GREB1L: variants seen among roughly 807,000 people sequenced by gnomAD.
The protein encoded by GREB1L is GREB1-like protein.
GREB1L carries 17 observed loss-of-function variants against 200.8 expected under a neutral mutation model. The ratio of observed to expected loss-of-function variants is 0.08; its 90% CI spans 0.06 to 0.13. The LOEUF (loss-of-function observed/expected upper bound fraction) is 0.13. Ranked by LOEUF, GREB1L falls within the 10% of genes least tolerant of loss-of-function variation. GREB1L has a pLI of 1.00. For synonymous variants in GREB1L, 789 were observed against 893.0 expected, an observed-to-expected ratio of 0.88 and a Z score of 2.08; for missense variants, 1,657 against 2,367.7, an observed-to-expected ratio of 0.70 and a Z score of 6.23.
intron 32 of GREB1L, among the ~76,000 whole-genome samples, chr18:21,521,070 A>G (rs2037585827): frequency 6.6e-6 from 1 of 152,070 alleles, no homozygotes; most frequent in Non-Finnish European, 1.5e-5. Context: ...GGTGGTGTGC[A>G]CCTGTAGTCC....
intron 1 of GREB1L, among the ~76,000 whole-genome samples, chr18:21,277,873 C>T (rs146138839): frequency 1.3e-3 from 198 of 152,104 alleles, no homozygotes; most frequent in African/African-American, 4.3e-3. Flanking sequence ...CTTCAGTGTC[C>T]GGTACATTGA....
At chr18:21,488,687 C>T (rs1158194465) in intron 18 of GREB1L, among the ~76,000 whole-genome samples, 1 of 152,174 alleles carries the variant, frequency 6.6e-6, no homozygotes, top group African/African-American at 2.4e-5. Context: ...GACAGACTCT[C>T]ACTCCGTCGC....
At chr18:21,390,568 C>T (rs2040756150) in intron 4 of GREB1L, among the ~76,000 whole-genome samples, 3 of 152,108 alleles carry the variant, frequency 2.0e-5, no homozygotes, top group African/African-American at 7.2e-5. Context: ...GATGGAGTCT[C>T]GCGCTGTCAC....
chr18:21,314,112 G>A (rs768430441), intron 1 of GREB1L, among the ~76,000 whole-genome samples: 5 of 152,208 alleles, frequency 3.3e-5, no homozygotes, highest in African/African-American at 4.8e-5. Context: ...GGAATTATTT[G>A]TCTTGCCTGT....
At chr18:21,383,356 C>T (rs1198384255) in intron 2 of GREB1L, among the ~76,000 whole-genome samples, 154 bp from the exon 3 acceptor site, 1 of 152,206 alleles carries the variant, frequency 6.6e-6, no homozygotes, top group Non-Finnish European at 1.5e-5. Context: ...AAGTAACTTA[C>T]ACAAGCTGTC....
At position 21,439,644 on chromosome 18, in the gene GREB1L, T is replaced by C. The variant is rs1224750301; in HGVS notation, c.949+7T>C. 2 of 1,492,828 alleles carry C rather than the reference T, an allele frequency of 1.3e-6. No homozygotes were observed. Among genetic ancestry groups the C allele is most frequent in the East Asian group, 2.5e-5 (1 of 40,696 alleles). The allele number at this position is 1,492,828 out of a possible 1,614,324, so 92.5% of individuals were successfully genotyped here. The stretch of plus-strand genomic sequence containing the variant: ...TATGCATCAGGAGATCAAGGTACAA[T>C]GCCTGTCGTAGAGTTTTGTAATAAT... On this transcript the variant is annotated splice_region_variant and intron_variant, in intron 8 of 32. Coordinates refer to ENST00000424526, the MANE Select transcript of GREB1L (RefSeq NM_001142966.3).
chr18:21,431,229 T>C (rs1405437308), intron 7 of GREB1L, among the ~76,000 whole-genome samples: 1 of 151,978 alleles, frequency 6.6e-6, no homozygotes, highest in Admixed American at 6.6e-5. Flanking sequence ...TTTGCCACAT[T>C]GGCCAGACTG....
In GREB1L at chr18:21,454,349, T is replaced by C; in HGVS notation, c.1985-17T>C. The stretch of plus-strand genomic sequence containing the variant: ...AGTAAATTAACCTTGTTCTTATGAC[T>C]TCTCTTTAAATTTTAGATTTAGATA... On this transcript the variant is annotated splice_polypyrimidine_tract_variant and intron_variant, in intron 14 of 32. Transcript: ENST00000424526. 1 of 1,529,956 alleles carries C rather than the reference T, an allele frequency of 6.5e-7. No individual in the cohort carries two copies. Among genetic ancestry groups the C allele is most frequent in the South Asian group, 1.2e-5 (1 of 83,466 alleles). The allele number at this position is 1,529,956 out of a possible 1,614,324, so 94.8% of individuals were successfully genotyped here.
In GREB1L at chr18:21,466,670, C is replaced by T. The variant is rs533356969; in HGVS notation, c.2183-6361C>T. Among the ~76,000 whole-genome samples the T allele has an allele frequency of 3.3e-5, 5 of 152,014 alleles. No homozygotes were observed. In the East Asian group the frequency reaches 9.7e-4, roughly 29 times the overall value. ...GATATATTAATATTTTTAAGATGAC[C>T]ATATTCCCCCAAATTGGTGTACAGA... On this transcript the variant is annotated intron_variant, in intron 15 of 32. Coordinates refer to ENST00000424526, the MANE Select transcript of GREB1L (RefSeq NM_001142966.3).
At chr18:21,455,872 G>A (rs1205706357) in intron 15 of GREB1L, among the ~76,000 whole-genome samples, 1 of 146,580 alleles carries the variant, frequency 6.8e-6, no homozygotes, top group East Asian at 2.0e-4. Context: ...GTGAGTCTGG[G>A]TTGTGCTCCG....
intron 27 of GREB1L, among the ~76,000 whole-genome samples, chr18:21,511,467 A>G (rs533861925): frequency 2.0e-5 from 3 of 152,206 alleles, no homozygotes; most frequent in Admixed American, 6.5e-5. Context: ...TTTTGATATC[A>G]TATGTAAGAG....
At chr18:21,246,735 T>A (rs1485674152) in intron 1 of GREB1L, among the ~76,000 whole-genome samples, 2 of 152,220 alleles carry the variant, frequency 1.3e-5, no homozygotes, top group East Asian at 3.8e-4. Context: ...TTATTATTAT[T>A]TAACTCTTAG....
chr18:21,305,106 G>C (rs2038679744), intron 1 of GREB1L, among the ~76,000 whole-genome samples: 1 of 152,052 alleles, frequency 6.6e-6, no homozygotes. Context: ...CTCCCGAGTA[G>C]CTGGGACTAC....
At chr18:21,304,468 C>T (rs570193512) in intron 1 of GREB1L, among the ~76,000 whole-genome samples, 11 of 151,880 alleles carry the variant, frequency 7.2e-5, no homozygotes, top group African/African-American at 2.7e-4. Flanking sequence ...AGACACAGTC[C>T]CCACCTTTCT....
Position 21,465,092 on chromosome 18 carries a change from T to C in GREB1L, c.2183-7939T>C, listed in dbSNP as rs72882839. On this transcript the variant is annotated intron_variant, in intron 15 of 32. Coordinates refer to ENST00000424526, the MANE Select transcript of GREB1L (RefSeq NM_001142966.3). ...ACATATCCATTACCTCACATACTTA[T>C]TATTTGTTTGTGGTGAAGAACATTT... 9.6e-3 allele frequency among the ~76,000 whole-genome samples: 1,470 copies of C among 152,340 alleles called. 12 individuals are homozygous for C. Among genetic ancestry groups the C allele is most frequent in the Admixed American group, 0.013 (203 of 15,294 alleles).
intron 11 of GREB1L, 115 bp downstream of exon 11, chr18:21,444,524 T>C: frequency 1.2e-6 from 1 of 842,386 alleles, no homozygotes; most frequent in South Asian, 1.8e-5. Context: ...CTCTTTCGCT[T>C]CTAATGTTCT....
intron 19 of GREB1L, among the ~76,000 whole-genome samples, chr18:21,493,105 G>A (rs77043247): frequency 6.6e-6 from 1 of 152,136 alleles, no homozygotes; most frequent in Admixed American, 6.5e-5. Flanking sequence ...GTAGATTGCG[G>A]CTCACTCATT....
chr18:21,370,763 C>T lies in GREB1L; in HGVS notation c.-10+4627C>T, dbSNP rs73432780. On this transcript the variant is annotated intron_variant, in intron 2 of 32. Transcript: ENST00000424526. Reference sequence around the variant, plus strand: ...AGAGTTGTACTGTTCAGTATGACAGCTACTAGTCACATGTAGCTATTTAAA... The same window carrying T: ...AGAGTTGTACTGTTCAGTATGACAGTTACTAGTCACATGTAGCTATTTAAA... Among the ~76,000 whole-genome samples the T allele has an allele frequency of 7.5e-3, 1,149 of 152,272 alleles. 18 individuals are homozygous for T. Among genetic ancestry groups the T allele is most frequent in the African/African-American group, 0.027 (1,107 of 41,558 alleles).
At chr18:21,357,783 G>A (rs915798667) in intron 1 of GREB1L, among the ~76,000 whole-genome samples, 7 of 152,110 alleles carry the variant, frequency 4.6e-5, no homozygotes, top group African/African-American at 9.7e-5. Context: ...CCATAAATGC[G>A]TGGATTAATT....
Sources: gnomAD v4.1 joint callset for allele counts (sites outside exome capture counted in the v4.1 genomes callset) on GRCh38, gnomAD v4.1.1 for gene constraint, MANE v1.5 for transcripts, NCBI Gene and HGNC (gene_info 2026-07-23, HGNC 2026-07-21) for gene names.